The following DNAJC13 variants were observed in gnomAD, a reference collection of about 807,000 sequenced individuals.
DNAJC13 encodes dnaJ homolog subfamily C member 13.
A neutral mutation model predicts 290.5 loss-of-function variants in DNAJC13; 75 were observed. The ratio of observed to expected loss-of-function variants is 0.26; its 90% CI spans 0.21 to 0.31. DNAJC13 has a LOEUF of 0.31. Ranked by LOEUF, DNAJC13 falls within the 10% of genes least tolerant of loss-of-function variation. The pLI is 1.00. For synonymous variants in DNAJC13, 862 were observed against 892.0 expected, an observed-to-expected ratio of 0.97 and a Z score of 0.60; for missense variants, 2,260 against 2,674.5, an observed-to-expected ratio of 0.85 and a Z score of 3.42.
chr3:132,488,897 G>T, intron 30 of DNAJC13, 79 bp from the exon 31 acceptor site: 1 of 1,047,502 alleles, frequency 9.5e-7, no homozygotes, highest in South Asian at 1.4e-5. Context: ...AGCTATAAAA[G>T]ATCTAGTCTT....
At chr3:132,508,754 A>G (rs1220940771) in intron 43 of DNAJC13, among the ~76,000 whole-genome samples, 1 of 152,222 alleles carries the variant, frequency 6.6e-6, no homozygotes, top group Admixed American at 6.5e-5. Flanking sequence ...CCCCGAATCT[A>G]AAACAAAAGT....
chr3:132,434,268 C>A (rs925974083), intron 1 of DNAJC13, among the ~76,000 whole-genome samples: 2 of 150,270 alleles, frequency 1.3e-5, no homozygotes, highest in Non-Finnish European at 2.9e-5. Flanking sequence ...AACCTGTAGT[C>A]CCAGCTACTT....
At chr3:132,478,345 G>A (rs1192734366) in intron 24 of DNAJC13, among the ~76,000 whole-genome samples, 1 of 152,074 alleles carries the variant, frequency 6.6e-6, no homozygotes, top group East Asian at 1.9e-4. Flanking sequence ...GTCACTTTAT[G>A]TGTTTCAGTT....
intron 17 of DNAJC13, among the ~76,000 whole-genome samples, chr3:132,465,502 A>G (rs183500177): frequency 2.0e-5 from 3 of 152,200 alleles, no homozygotes; most frequent in Non-Finnish European, 4.4e-5. Flanking sequence ...ATAATTTGCT[A>G]TAAGTGGTTT....
chr3:132,527,781 A>G (rs7648975), intron 53 of DNAJC13, among the ~76,000 whole-genome samples: 89,914 of 152,052 alleles, frequency 0.59, 28,876 homozygotes, highest in East Asian at 0.87. Flanking sequence ...ACAAAGATTG[A>G]TGTTTGAAGA....
chr3:132,467,482 T>G, intron 20 of DNAJC13, 169 bp downstream of exon 20: 3 of 616,416 alleles, frequency 4.9e-6, no homozygotes, highest in Non-Finnish European at 7.6e-6. Context: ...TTTATTTATT[T>G]TGAGACAGAG....
At chr3:132,430,085 G>A (rs938396250) in intron 1 of DNAJC13, among the ~76,000 whole-genome samples, 2 of 152,042 alleles carry the variant, frequency 1.3e-5, no homozygotes, top group Non-Finnish European at 2.9e-5. Context: ...TAATAGGCCA[G>A]GTCATTGGTA....
chr3:132,474,747 A>G (rs1480922942), intron 21 of DNAJC13, among the ~76,000 whole-genome samples, 185 bp from the exon 22 acceptor site: 2 of 148,380 alleles, frequency 1.3e-5, no homozygotes, highest in African/African-American at 2.5e-5. Flanking sequence ...AGATTCTGTC[A>G]TTAATGTTTT....
chr3:132,514,921 T>TACTCAGACCACC, intron 46 of DNAJC13: 2 of 194,548 alleles, frequency 1.0e-5, no homozygotes, highest in Non-Finnish European at 1.8e-5. Flanking sequence ...TTCAGTTTGT[T>TACTCAGACCACC]GAGATCTACA....
intron 46 of DNAJC13, among the ~76,000 whole-genome samples, chr3:132,515,838 T>C (rs1385551810): frequency 1.3e-5 from 2 of 152,226 alleles, no homozygotes; most frequent in African/African-American, 2.4e-5. Context: ...AGCCTCTACC[T>C]TATTTGCCAA....
Position 132,528,178 on chromosome 3 carries a change from A to G in DNAJC13, c.6382-11A>G, listed in dbSNP as rs1936316615. 1 of 1,613,290 alleles carries G rather than the reference A, an allele frequency of 6.2e-7. No homozygotes were observed. The highest frequency in any genetic ancestry group is 8.5e-7 in the Non-Finnish European group (1 of 1,179,672). On this transcript the variant is annotated splice_polypyrimidine_tract_variant and intron_variant, in intron 53 of 55. Transcript: ENST00000260818. ...TTCTGTGTGTTTATATATGCTTAAT[A>G]TTTCTTCTAGGCCCTGAAAGCAGAT...
At chr3:132,491,986 A>G (rs188254063) in intron 32 of DNAJC13, among the ~76,000 whole-genome samples, 57 of 152,302 alleles carry the variant, frequency 3.7e-4, no homozygotes, top group Admixed American at 7.8e-4. Flanking sequence ...TAAAAGACGA[A>G]TTGCTCTATG....
chr3:132,448,215 T>C (rs533581215), intron 5 of DNAJC13, among the ~76,000 whole-genome samples: 2 of 152,328 alleles, frequency 1.3e-5, no homozygotes, highest in South Asian at 4.1e-4. Context: ...AGGTAGTCCT[T>C]ATGCAGTATC....
chr3:132,516,020 T>C (rs1490918576), intron 46 of DNAJC13, among the ~76,000 whole-genome samples: 1 of 152,204 alleles, frequency 6.6e-6, no homozygotes, highest in African/African-American at 2.4e-5. Flanking sequence ...CAACTGCTAC[T>C]TCCTACTTTT....
At chr3:132,426,576 T>C (rs1161781224) in intron 1 of DNAJC13, among the ~76,000 whole-genome samples, 2 of 152,236 alleles carry the variant, frequency 1.3e-5, no homozygotes, top group African/African-American at 4.8e-5. Flanking sequence ...TGGTTGTTGA[T>C]AGCATGTGCT....
At chr3:132,471,262 T>A (rs1934238771) in intron 20 of DNAJC13, among the ~76,000 whole-genome samples, 1 of 126,230 alleles carries the variant, frequency 7.9e-6, no homozygotes, top group Non-Finnish European at 1.7e-5. Context: ...CCCACCTCCC[T>A]CCCGGATGGC....
chr3:132,492,882 T>TTA lies in DNAJC13; in HGVS notation c.3825+278_3825+279dup, dbSNP rs139461272. On this transcript the variant is annotated intron_variant, in intron 33 of 55. Coordinates refer to ENST00000260818, the MANE Select transcript of DNAJC13 (RefSeq NM_015268.4). ...AACAAATTTCATGCAGATAACATAA[T>TTA]TATATATATATAGTATTATATACTA... 8.0e-3 allele frequency among the ~76,000 whole-genome samples: 1,208 copies of TTA among 151,664 alleles called. 16 individuals are homozygous for TTA. The highest frequency in any genetic ancestry group is 0.028 in the African/African-American group (1,162 of 41,348).
At chr3:132,417,841 G>T in intron 1 of DNAJC13, 81 bp downstream of exon 1, 1 of 153,064 alleles carries the variant, frequency 6.5e-6, no homozygotes, top group Non-Finnish European at 1.5e-5. Flanking sequence ...GGGGCTCAGG[G>T]CAGGGAAAAC....
Position 132,437,453 on chromosome 3 carries a change from C to G in DNAJC13, c.68+2835C>G, listed in dbSNP as rs75089914. Among the ~76,000 whole-genome samples, 1,414 of 152,282 alleles carry G rather than the reference C, an allele frequency of 9.3e-3. 25 individuals carry two copies. The highest frequency in any genetic ancestry group is 0.032 in the African/African-American group (1,333 of 41,560). On this transcript the variant is annotated intron_variant, in intron 2 of 55. Transcript: ENST00000260818. ...CAAAGATTTACTTCTTTGTTTTCTT[C>G]TAAGAGCTGTATAGCTTTAATTGCG...
Sources: gnomAD v4.1 joint callset for allele counts (sites outside exome capture counted in the v4.1 genomes callset) on GRCh38, gnomAD v4.1.1 for gene constraint, MANE v1.5 for transcripts, NCBI Gene and HGNC (gene_info 2026-07-23, HGNC 2026-07-21) for gene names.